Variants in CNTN5 observed in about 807,000 individuals in gnomAD.
CNTN5 encodes contactin 5.
A neutral mutation model predicts 129.1 loss-of-function variants in CNTN5; 77 were observed. That is an observed-to-expected ratio of 0.60 (90% CI 0.50 to 0.72). The LOEUF is 0.72. CNTN5 is among the 30% of genes least tolerant of loss of function. CNTN5 has a pLI of 0.00. For missense variants in CNTN5, 1,478 were observed against 1,328.8 expected (o/e 1.11, Z -1.75); for synonymous variants, 509 against 465.6 (o/e 1.09, Z -1.20).
intron 2 of CNTN5, among the ~76,000 whole-genome samples, chr11:99,463,720 A>T (rs1388964131): frequency 2.0e-5 from 3 of 152,110 alleles, no homozygotes; most frequent in African/African-American, 7.2e-5. Context: ...TGTTTGACTA[A>T]AAGTACCTAT....
At chr11:99,745,422 T>C (rs1267819417) in intron 3 of CNTN5, among the ~76,000 whole-genome samples, 6 of 152,230 alleles carry the variant, frequency 3.9e-5, no homozygotes, top group Non-Finnish European at 1.5e-5. Context: ...CTAGGGTATA[T>C]TGGTTTTATA....
intron 18 of CNTN5, among the ~76,000 whole-genome samples, chr11:100,289,410 C>G (rs1435926061): frequency 6.6e-6 from 1 of 150,968 alleles, no homozygotes; most frequent in Non-Finnish European, 1.5e-5. Flanking sequence ...GCTTATCCAC[C>G]ATGATCACGT....
intron 6 of CNTN5, among the ~76,000 whole-genome samples, chr11:99,872,678 G>A (rs1436471392): frequency 6.6e-6 from 1 of 152,014 alleles, no homozygotes; most frequent in East Asian, 1.9e-4. Flanking sequence ...CATGATTTTT[G>A]GTTTCATCTA....
intron 2 of CNTN5, among the ~76,000 whole-genome samples, chr11:99,516,514 G>T (rs1184386260): frequency 1.3e-5 from 2 of 151,916 alleles, no homozygotes; most frequent in Admixed American, 6.6e-5. Flanking sequence ...AATAACAATG[G>T]TGCATACATA....
intron 2 of CNTN5, among the ~76,000 whole-genome samples, chr11:99,358,904 A>G (rs1277715381): frequency 6.6e-6 from 1 of 152,190 alleles, no homozygotes; most frequent in African/African-American, 2.4e-5. Context: ...TTATAGGAAA[A>G]AAAAGTAAAG....
intron 21 of CNTN5, chr11:100,336,789 C>A: frequency 3.0e-6 from 1 of 338,670 alleles, no homozygotes; most frequent in Non-Finnish European, 5.5e-6. Context: ...CCTCCGGATT[C>A]TGAGGTGTTC....
At chr11:99,132,124 C>T (rs1055901422) in intron 1 of CNTN5, among the ~76,000 whole-genome samples, 1 of 151,874 alleles carries the variant, frequency 6.6e-6, no homozygotes, top group Non-Finnish European at 1.5e-5. Context: ...TAATTCCTCA[C>T]ATAAACAGAA....
chr11:99,083,207 C>T (rs1173139197), intron 1 of CNTN5, among the ~76,000 whole-genome samples: 2 of 152,086 alleles, frequency 1.3e-5, no homozygotes, highest in South Asian at 2.1e-4. Context: ...TTCCTTCTCC[C>T]ATCAGTTAAA....
intron 3 of CNTN5, among the ~76,000 whole-genome samples, chr11:99,567,627 G>A (rs1164220872): frequency 6.6e-6 from 1 of 152,086 alleles, no homozygotes; most frequent in African/African-American, 2.4e-5. Flanking sequence ...ACAGGTGCCT[G>A]CTAATATAAA....
chr11:99,706,139 CAATA>C (rs1266242162), intron 3 of CNTN5, among the ~76,000 whole-genome samples: 1 of 151,292 alleles, frequency 6.6e-6, no homozygotes, highest in Non-Finnish European at 1.5e-5. Context: ...GTGCTGCTAT[CAATA>C]AAAGAGGGAC....
At chr11:99,633,478 T>C (rs1030285382) in intron 3 of CNTN5, among the ~76,000 whole-genome samples, 6 of 152,180 alleles carry the variant, frequency 3.9e-5, no homozygotes, top group Non-Finnish European at 5.9e-5. Flanking sequence ...GCGATACATA[T>C]TTATCAAGCA....
intron 2 of CNTN5, among the ~76,000 whole-genome samples, chr11:99,386,193 C>T (rs2136174319): frequency 6.6e-6 from 1 of 152,266 alleles, no homozygotes; most frequent in South Asian, 2.1e-4. Context: ...TCCCCTGAAG[C>T]ACATCTGTTA....
chr11:100,245,063 T>C (rs1949815070), intron 16 of CNTN5, among the ~76,000 whole-genome samples: 3 of 152,074 alleles, frequency 2.0e-5, no homozygotes, highest in Non-Finnish European at 4.4e-5. Context: ...TCAAATTGAC[T>C]TAAACAATAA....
chr11:99,301,758 C>T (rs1771943261), intron 1 of CNTN5, among the ~76,000 whole-genome samples: 1 of 151,684 alleles, frequency 6.6e-6, no homozygotes, highest in South Asian at 2.1e-4. Context: ...ATAGAACATT[C>T]TACCCAATAA....
At chr11:99,525,942 T>A (rs1375673197) in intron 2 of CNTN5, among the ~76,000 whole-genome samples, 1 of 152,138 alleles carries the variant, frequency 6.6e-6, no homozygotes, top group East Asian at 1.9e-4. Flanking sequence ...AAAATAAAGG[T>A]TTATTTTAGT....
intron 9 of CNTN5, among the ~76,000 whole-genome samples, chr11:100,021,045 T>C (rs770290512): frequency 1.2e-4 from 19 of 152,152 alleles, no homozygotes; most frequent in Admixed American, 2.0e-4. Context: ...TCCAGTTCTA[T>C]GATTTCTAAT....
intron 1 of CNTN5, among the ~76,000 whole-genome samples, chr11:99,075,677 G>T (rs1431091278): frequency 6.6e-6 from 1 of 151,484 alleles, no homozygotes; most frequent in Non-Finnish European, 1.5e-5. Flanking sequence ...ATTTAATGTC[G>T]ACTGACAACT....
At chr11:100,155,013 T>G (rs190215308) in intron 13 of CNTN5, among the ~76,000 whole-genome samples, 1 of 152,294 alleles carries the variant, frequency 6.6e-6, no homozygotes, top group African/African-American at 2.4e-5. Context: ...GTGCAGAAAC[T>G]CTTTAGTTTA....
intron 2 of CNTN5, among the ~76,000 whole-genome samples, chr11:99,325,903 G>T (rs1356711229): frequency 6.6e-6 from 1 of 152,122 alleles, no homozygotes; most frequent in Non-Finnish European, 1.5e-5. Flanking sequence ...GTATGTGCTC[G>T]AATTTTAAGA....
Sources: gnomAD v4.1 joint callset for allele counts (sites outside exome capture counted in the v4.1 genomes callset) on GRCh38, gnomAD v4.1.1 for gene constraint, MANE v1.5 for transcripts, NCBI Gene and HGNC (gene_info 2026-07-23, HGNC 2026-07-21) for gene names.